The following IL1RAPL2 variants were observed in gnomAD, a reference collection of about 807,000 sequenced individuals.
The protein encoded by IL1RAPL2 is interleukin 1 receptor accessory protein like 2.
IL1RAPL2 carries 3 observed loss-of-function variants against 44.1 expected under a neutral mutation model. The ratio of observed to expected loss-of-function variants is 0.07; its 90% confidence interval spans 0.03 to 0.18. IL1RAPL2 has a LOEUF of 0.18. Ranked by LOEUF, IL1RAPL2 falls within the 10% of genes least tolerant of loss-of-function variation. The probability of loss-of-function intolerance (pLI) is 1.00; values close to 1 mark genes in which losing one functional copy is unlikely to be tolerated. For missense variants in IL1RAPL2, 391 were observed against 496.4 expected (o/e 0.79, Z 2.02); for synonymous variants, 181 against 178.8 (o/e 1.01, Z -0.10).
intron 4 of IL1RAPL2, among the ~76,000 whole-genome samples, chrX:105,247,617 G>A (rs866609746): frequency 0.013 from 1,393 of 107,040 alleles, 6 homozygotes; most frequent in South Asian, 0.033. Flanking sequence ...GTGTGTGTGT[G>A]TGTGTGTGTG....
At chrX:104,618,761 G>T (rs1302821863) in intron 1 of IL1RAPL2, among the ~76,000 whole-genome samples, 10 of 111,504 alleles carry the variant, frequency 9.0e-5, no homozygotes. Flanking sequence ...CAAGCAAGCT[G>T]GTTCTCTGAA....
intron 1 of IL1RAPL2, among the ~76,000 whole-genome samples, chrX:104,595,315 G>A (rs1569277176): frequency 9.0e-6 from 1 of 111,477 alleles, no homozygotes; most frequent in Non-Finnish European, 1.9e-5. Context: ...GGCTGGAGGT[G>A]CTATGAACTG....
intron 2 of IL1RAPL2, among the ~76,000 whole-genome samples, chrX:104,953,667 A>C (rs967928246): frequency 1.8e-5 from 2 of 111,579 alleles, no homozygotes; most frequent in African/African-American, 6.5e-5. Flanking sequence ...GTAAGTTTCT[A>C]GATGGAACAA....
chrX:104,849,668 A>G, intron 2 of IL1RAPL2, among the ~76,000 whole-genome samples: 1 of 110,469 alleles, frequency 9.1e-6, no homozygotes, highest in African/African-American at 3.3e-5. Flanking sequence ...ACCTCAAATC[A>G]TCTAGTAGAG....
intron 2 of IL1RAPL2, among the ~76,000 whole-genome samples, chrX:104,873,554 T>C (rs1292706388): frequency 9.0e-6 from 1 of 111,653 alleles, no homozygotes; most frequent in Non-Finnish European, 1.9e-5. Context: ...CTCCATGTTT[T>C]CTTCACTAAC....
chrX:105,722,659 C>G (rs1278813065), intron 7 of IL1RAPL2, among the ~76,000 whole-genome samples: 1 of 111,813 alleles, frequency 8.9e-6, no homozygotes, highest in Non-Finnish European at 1.9e-5. Flanking sequence ...TTTCTAGAAA[C>G]AAAATTTATT....
intron 6 of IL1RAPL2, among the ~76,000 whole-genome samples, chrX:105,591,225 GT>G (rs1202091947): frequency 4.0e-4 from 41 of 101,332 alleles, no homozygotes; most frequent in Admixed American, 6.4e-4. Context: ...AGTCTCCAAG[GT>G]TTTTTTTTTT....
chrX:105,333,584 A>G lies in IL1RAPL2; in HGVS notation c.697+66043A>G, dbSNP rs753500569. 7.1e-5 allele frequency among the ~76,000 whole-genome samples: 8 copies of G among 111,901 alleles called. No individual in the cohort carries two copies. The East Asian group carries it at 2.2e-3, about 31-fold the overall frequency. On this transcript the variant is annotated intron_variant, in intron 5 of 10. Transcript: ENST00000372582. ...CCAACAAAGTGAAGAGACAACCCAC[A>G]GAATGGGAGGAAATATTTGCAAACA...
intron 2 of IL1RAPL2, among the ~76,000 whole-genome samples, chrX:104,806,200 A>G (rs1353185407): frequency 1.8e-5 from 2 of 112,288 alleles, no homozygotes; most frequent in East Asian, 2.8e-4. Flanking sequence ...CAAGAGAAAG[A>G]AGGACATTCT....
Position 105,221,907 on chromosome X carries a change from C to T in IL1RAPL2, c.357-11911C>T, listed in dbSNP as rs147763310. On this transcript the variant is annotated intron_variant, in intron 3 of 10. Transcript: ENST00000372582. ...TCAACTAAGAGACAAAATCTTGTTG[C>T]TGTGACCTCAGAAACTTCTAAGACA... 5.2e-3 allele frequency among the ~76,000 whole-genome samples: 577 copies of T among 111,843 alleles called. 5 individuals are homozygous for T. The highest frequency in any genetic ancestry group is 0.017 in the African/African-American group (535 of 30,781).
chrX:104,900,211 C>A (rs1270232844), intron 2 of IL1RAPL2, among the ~76,000 whole-genome samples: 2 of 111,816 alleles, frequency 1.8e-5, no homozygotes, highest in East Asian at 5.6e-4. Flanking sequence ...AAAACTGTTT[C>A]ACAAGAGTTT....
chrX:104,802,651 A>G (rs763399251), intron 2 of IL1RAPL2, among the ~76,000 whole-genome samples: 65 of 111,665 alleles, frequency 5.8e-4, no homozygotes, highest in Non-Finnish European at 9.4e-4. Flanking sequence ...TCATAGTACA[A>G]TTTTCTAATT....
intron 4 of IL1RAPL2, among the ~76,000 whole-genome samples, chrX:105,238,360 C>G (rs902890440): frequency 1.6e-4 from 18 of 112,181 alleles, no homozygotes; most frequent in Non-Finnish European, 2.6e-4. Context: ...TATTCATCCT[C>G]TCATTTTGAG....
intron 5 of IL1RAPL2, among the ~76,000 whole-genome samples, chrX:105,330,236 T>C (rs2034975491): frequency 9.0e-6 from 1 of 111,568 alleles, no homozygotes; most frequent in South Asian, 3.7e-4. Flanking sequence ...TTCTGATTGA[T>C]ATGTGACATT....
At chrX:104,922,670 A>T (rs1192575685) in intron 2 of IL1RAPL2, among the ~76,000 whole-genome samples, 3 of 112,206 alleles carry the variant, frequency 2.7e-5, no homozygotes, top group Non-Finnish European at 5.6e-5. Context: ...AATCCCACCG[A>T]AATGAAAGTA....
chrX:105,167,140 A>G (rs1393591113), intron 2 of IL1RAPL2, among the ~76,000 whole-genome samples: 1 of 112,169 alleles, frequency 8.9e-6, no homozygotes, highest in East Asian at 2.8e-4. Flanking sequence ...CCTACAATCA[A>G]GGAGTCCCCA....
intron 5 of IL1RAPL2, among the ~76,000 whole-genome samples, chrX:105,436,624 G>A (rs1204135231): frequency 9.0e-6 from 1 of 110,637 alleles, no homozygotes. Flanking sequence ...CTCTAGTAGG[G>A]CCATATTCAT....
intron 5 of IL1RAPL2, among the ~76,000 whole-genome samples, chrX:105,322,218 A>C (rs910247518): frequency 8.9e-6 from 1 of 112,829 alleles, no homozygotes; most frequent in African/African-American, 3.2e-5. Flanking sequence ...CACATCTGCT[A>C]TACAATATTG....
chrX:105,704,554 C>A (rs1458582223), intron 6 of IL1RAPL2, among the ~76,000 whole-genome samples: 1 of 111,594 alleles, frequency 9.0e-6, no homozygotes, highest in African/African-American at 3.3e-5. Context: ...TTTAAAAAAT[C>A]TTGTCTATGC....
Sources: gnomAD v4.1 joint callset for allele counts (sites outside exome capture counted in the v4.1 genomes callset) on GRCh38, gnomAD v4.1.1 for gene constraint, MANE v1.5 for transcripts, NCBI Gene and HGNC (gene_info 2026-07-23, HGNC 2026-07-21) for gene names.